USH2A: variants seen among roughly 807,000 people sequenced by gnomAD.
USH2A encodes the protein usherin.
A neutral mutation model predicts 538.9 loss-of-function variants in USH2A; 443 were observed. The ratio of observed to expected loss-of-function variants is 0.82; its 90% confidence interval spans 0.76 to 0.89. USH2A has a LOEUF of 0.89. USH2A is among the 40% of genes least tolerant of loss of function. USH2A has a pLI of 0.00. For missense variants in USH2A, 6,633 were observed against 6,324.8 expected (o/e 1.05, Z -1.65); for synonymous variants, 2,413 against 2,273.5 (o/e 1.06, Z -1.75).
chr1:216,308,767 T>C (rs2037364719), intron 9 of USH2A, among the ~76,000 whole-genome samples: 1 of 152,206 alleles, frequency 6.6e-6, no homozygotes, highest in Admixed American at 6.5e-5. Context: ...CTTAGAATTT[T>C]ATACTTTATA....
chr1:215,937,327 A>T (rs973021603), intron 37 of USH2A, among the ~76,000 whole-genome samples: 5 of 152,130 alleles, frequency 3.3e-5, no homozygotes, highest in Non-Finnish European at 5.9e-5. Context: ...GCAGCCTTTG[A>T]TAATTTCATT....
At chr1:215,853,809 T>A (rs1433463203) in intron 44 of USH2A, among the ~76,000 whole-genome samples, 1 of 152,174 alleles carries the variant, frequency 6.6e-6, no homozygotes, top group African/African-American at 2.4e-5. Flanking sequence ...CCCAACAAAT[T>A]CCTCATCTCC....
intron 64 of USH2A, among the ~76,000 whole-genome samples, chr1:215,668,637 C>T (rs1461493317): frequency 6.6e-6 from 1 of 152,190 alleles, no homozygotes; most frequent in African/African-American, 2.4e-5. Flanking sequence ...ACTTGCCTCT[C>T]CTCTGAAATG....
Position 215,817,049 on chromosome 1 carries a change from C to A in USH2A, c.9518G>T (p.Cys3173Phe). The change falls in exon 48 of 72, where the codon TGT becomes TTT. Residue 3173 changes from cysteine (C) to phenylalanine (F), a missense_variant. Coordinates refer to ENST00000307340, the MANE Select transcript of USH2A (RefSeq NM_206933.4). Reference sequence around the variant, plus strand: ...TCCACAGATAGATTCAGGTTTTTGACACCTCACTGCCTTGCAGAGCTCATC... The same window carrying A: ...TCCACAGATAGATTCAGGTTTTTGAAACCTCACTGCCTTGCAGAGCTCATC... Reference protein sequence around the residue: ...QSDELCKAVRCQKPESICGHI... With the variant: ...QSDELCKAVRFQKPESICGHI... 6.2e-7 allele frequency: 1 copy of A among 1,612,678 alleles called. No individual in the cohort carries two copies. The highest frequency in any genetic ancestry group is 8.5e-7 in the Non-Finnish European group (1 of 1,178,984).
At chr1:215,725,641 C>A (rs181560325) in intron 61 of USH2A, among the ~76,000 whole-genome samples, 1 of 152,182 alleles carries the variant, frequency 6.6e-6, no homozygotes, top group Admixed American at 6.5e-5. Flanking sequence ...CATACACATT[C>A]AAAAATAGGA....
At chr1:215,773,444 G>T (rs2102754629) in intron 55 of USH2A, among the ~76,000 whole-genome samples, 1 of 151,188 alleles carries the variant, frequency 6.6e-6, no homozygotes, top group African/African-American at 2.4e-5. Flanking sequence ...TGTAAAATCT[G>T]CTTTGGTCCG....
At chr1:216,055,848 G>A (rs890962066) in intron 30 of USH2A, among the ~76,000 whole-genome samples, 4 of 152,112 alleles carry the variant, frequency 2.6e-5, no homozygotes, top group Admixed American at 2.0e-4. Flanking sequence ...GTAATCCCTT[G>A]GAAACTTCAA....
chr1:216,070,741 T>C (rs1036271047), intron 29 of USH2A, among the ~76,000 whole-genome samples: 7 of 152,082 alleles, frequency 4.6e-5, no homozygotes, highest in Admixed American at 3.9e-4. Flanking sequence ...GTGATTGTGT[T>C]GTACTTGAAT....
intron 43 of USH2A, among the ~76,000 whole-genome samples, chr1:215,867,435 C>A (rs1370852018): frequency 6.6e-6 from 1 of 152,162 alleles, no homozygotes; most frequent in African/African-American, 2.4e-5. Flanking sequence ...CTATTGAAAA[C>A]AAATGTGGTT....
intron 39 of USH2A, 163 bp downstream of exon 39, chr1:215,900,592 T>C: frequency 1.0e-6 from 1 of 970,936 alleles, no homozygotes; most frequent in Non-Finnish European, 1.5e-6. Context: ...GAAAAATAGA[T>C]ATTTTTGCAA....
Position 215,934,644 on chromosome 1 carries a change from A to G in USH2A, c.7272T>C (p.Asp2424=), listed in dbSNP as rs776728637. The G allele has an allele frequency of 6.2e-7, 1 of 1,612,462 alleles. No homozygotes were observed. Among genetic ancestry groups the G allele is most frequent in the East Asian group, 2.2e-5 (1 of 44,812 alleles). ...ISNSQGSLIT[D]PITIAMPPGA... The stretch of plus-strand genomic sequence containing the variant: ...CTGGAGGCATTGCAATTGTTATAGG[A>G]TCAGTTATCAAGCTGCCTTGGCTAT... The change falls in exon 38 of 72, where the codon GAT becomes GAC. Residue 2424 remains aspartate, a synonymous_variant. Coordinates refer to ENST00000307340, the MANE Select transcript of USH2A (RefSeq NM_206933.4).
At position 215,674,214 on chromosome 1, in the gene USH2A, G is replaced by A; in HGVS notation, c.13697C>T (p.Thr4566Ile). The change falls in exon 63 of 72, where the codon ACC becomes ATC. Residue 4566 changes from threonine (T) to isoleucine (I), a missense_variant. Transcript: ENST00000307340. ...VRTNGDIINY[T>I]LFIRELFERE... ...TTCAAATAGTTCACGGATGAAGAGG[G>A]TATAATTGATGATATCACCATTTGT... 6.2e-6 allele frequency: 10 copies of A among 1,614,124 alleles called. No homozygotes were observed. Among genetic ancestry groups the A allele is most frequent in the Non-Finnish European group, 8.5e-6 (10 of 1,180,022 alleles).
intron 32 of USH2A, among the ~76,000 whole-genome samples, chr1:216,030,578 T>C (rs1022694322): frequency 3.5e-5 from 5 of 142,078 alleles, no homozygotes; most frequent in Admixed American, 1.4e-4. Context: ...ATAAATGATA[T>C]ATAGATATAT....
intron 11 of USH2A, among the ~76,000 whole-genome samples, chr1:216,281,704 T>C (rs1239277250): frequency 6.6e-6 from 1 of 152,144 alleles, no homozygotes; most frequent in African/African-American, 2.4e-5. Context: ...ATATGATACA[T>C]ACAGAGGAGT....
chr1:215,924,943 T>G (rs943338885), intron 38 of USH2A, among the ~76,000 whole-genome samples: 1 of 152,102 alleles, frequency 6.6e-6, no homozygotes, highest in African/African-American at 2.4e-5. Context: ...GTAAGCACAC[T>G]TCAAAGTTTC....
chr1:216,044,743 G>A (rs1184706279), intron 32 of USH2A, among the ~76,000 whole-genome samples: 6 of 152,024 alleles, frequency 3.9e-5, no homozygotes, highest in Non-Finnish European at 4.4e-5. Flanking sequence ...GGAATGCTTG[G>A]GTTAGTACCA....
rs376091431 is a variant in USH2A, at chr1:215,900,716, A to G, written c.7451+39T>C. On this transcript the variant is annotated intron_variant, in intron 39 of 71. Transcript: ENST00000307340. ...TTCAAAAATGTTATGTCTATATTGTATAACCCAGCTGATAGAATGGACAAA... is the reference window on the plus strand; with the variant it reads ...TTCAAAAATGTTATGTCTATATTGTGTAACCCAGCTGATAGAATGGACAAA... 4.0e-4 allele frequency: 644 copies of G among 1,613,094 alleles called. 1 individual carries two copies. The highest frequency in any genetic ancestry group is 1.5e-3 in the South Asian group (141 of 91,076).
intron 44 of USH2A, among the ~76,000 whole-genome samples, chr1:215,857,025 A>G (rs1664189431): frequency 6.6e-6 from 1 of 152,168 alleles, no homozygotes; most frequent in South Asian, 2.1e-4. Flanking sequence ...GTAAGGATGC[A>G]AAGGCATAAG....
chr1:215,638,242 T>C (rs1321769301), intron 69 of USH2A, among the ~76,000 whole-genome samples: 1 of 152,202 alleles, frequency 6.6e-6, no homozygotes, highest in Non-Finnish European at 1.5e-5. Context: ...CAATTCTTTA[T>C]TGACAGGGTT....
Sources: allele counts gnomAD v4.1 joint callset (sites outside exome capture counted in the v4.1 genomes callset), GRCh38; gene constraint gnomAD v4.1.1; transcripts MANE v1.5; gene names NCBI Gene and HGNC (gene_info 2026-07-23, HGNC 2026-07-21).